ZMYM5: variants seen among roughly 807,000 people sequenced by gnomAD.
The protein encoded by ZMYM5 is zinc finger MYM-type protein 5.
ZMYM5 carries 41 observed loss-of-function variants against 61.8 expected under a neutral mutation model. The observed-to-expected ratio is 0.66, with a 90% CI of 0.52 to 0.86. The LOEUF (loss-of-function observed/expected upper bound fraction) is 0.86, where lower values mean the gene tolerates loss of function less well. Among genes scored for constraint, ZMYM5 ranks in the 40% least tolerant of loss-of-function variants. The pLI is 0.00. For synonymous variants in ZMYM5, 257 were observed against 276.4 expected (o/e 0.93, Z 0.70); for missense variants, 706 against 786.7 (o/e 0.90, Z 1.23).
At position 19,825,014 on chromosome 13, in the gene ZMYM5, A is replaced by C. The variant is rs772905078; in HGVS notation, c.1473T>G (p.Ser491=). The part of the protein sequence containing the change: ...LIQENVNLPP[S]STSTIADTFQ... ...ATGTATCAGCTATGGTTGACGTGGA[A>C]GAAGGAGGTAAATTCACATTCTCTT... is the stretch of plus-strand genomic sequence containing the variant. The change falls in exon 8 of 8, where the codon TCT becomes TCG. Residue 491 remains serine (S), a synonymous_variant. Coordinates refer to ENST00000337963, the MANE Select transcript of ZMYM5 (RefSeq NM_001142684.2). 1 of 1,367,448 alleles carries C rather than the reference A, an allele frequency of 7.3e-7. No individual in the cohort carries two copies. The highest frequency in any genetic ancestry group is 1.5e-5 in the African/African-American group (1 of 67,744). The allele number at this position is 1,367,448 out of a possible 1,614,324, so 84.7% of individuals were successfully genotyped here.
chr13:19,824,995 C>G lies in ZMYM5; in HGVS notation c.1492G>C (p.Asp498His). 7.3e-7 allele frequency: 1 copy of G among 1,367,362 alleles called. No individual in the cohort carries two copies. Among genetic ancestry groups the G allele is most frequent in the South Asian group, 1.1e-5 (1 of 87,958 alleles). The allele number at this position is 1,367,362 out of a possible 1,614,324, so 84.7% of individuals were successfully genotyped here. A position where few individuals can be genotyped will look rare whatever the true frequency, so the allele number is the denominator to read the frequency against. The change falls in exon 8 of 8, where the codon GAT becomes CAT. Residue 498 changes from aspartate to histidine, a missense_variant. By Grantham distance (81) the Asp-to-His change is moderately conservative (BLOSUM62 -1). Coordinates refer to ENST00000337963, the MANE Select transcript of ZMYM5 (RefSeq NM_001142684.2). ...LPPSSTSTIA[D>H]TFQEQLEEKN... Reference sequence around the variant, plus strand: ...TCTTCCAGTTGCTCTTGAAATGTATCAGCTATGGTTGACGTGGAAGAAGGA... The same window carrying G: ...TCTTCCAGTTGCTCTTGAAATGTATGAGCTATGGTTGACGTGGAAGAAGGA...
chr13:19,847,994 CA>C (rs1953145742), intron 4 of ZMYM5, among the ~76,000 whole-genome samples: 1 of 146,308 alleles, frequency 6.8e-6, no homozygotes, highest in Admixed American at 6.9e-5. Context: ...TTTTTTGAAA[CA>C]AAAAAATTTC....
Position 19,839,087 on chromosome 13 carries a change from G to A in ZMYM5, c.587-102C>T, listed in dbSNP as rs1036580175. On this transcript the variant is annotated intron_variant, in intron 4 of 7. Coordinates refer to ENST00000337963, the MANE Select transcript of ZMYM5 (RefSeq NM_001142684.2). ...AGAGTTTAAGAGACAAGTGGGGCAG[G>A]CGTATAAACATGTGGTTAAGGCCAA... 6 of 1,420,516 alleles carry A rather than the reference G, an allele frequency of 4.2e-6. No homozygotes were observed. The Admixed American group carries it at 8.9e-5, about 21-fold the overall frequency. The allele number at this position is 1,420,516 out of a possible 1,614,324, so 88.0% of individuals were successfully genotyped here.
intron 4 of ZMYM5, among the ~76,000 whole-genome samples, chr13:19,849,529 T>G (rs1038157597): frequency 6.6e-6 from 1 of 152,184 alleles, no homozygotes; most frequent in African/African-American, 2.4e-5. Flanking sequence ...AAACCAAAGA[T>G]TGAAAGCAAA....
At chr13:19,826,648 G>A (rs573948363) in intron 7 of ZMYM5, among the ~76,000 whole-genome samples, 3 of 151,774 alleles carry the variant, frequency 2.0e-5, no homozygotes, top group Non-Finnish European at 1.5e-5. Flanking sequence ...CCAGCTACTC[G>A]GGAGGCTGAG....
At chr13:19,859,424 A>G (rs1195644197) in intron 2 of ZMYM5, among the ~76,000 whole-genome samples, 1 of 152,046 alleles carries the variant, frequency 6.6e-6, no homozygotes, top group Non-Finnish European at 1.5e-5. Context: ...TGTTTTTGAG[A>G]CGGAGTCTCG....
intron 2 of ZMYM5, among the ~76,000 whole-genome samples, chr13:19,859,097 AT>A (rs1303186023): frequency 6.6e-6 from 1 of 151,972 alleles, no homozygotes; most frequent in Non-Finnish European, 1.5e-5. Flanking sequence ...ACGCCACTGC[AT>A]TCCAGCCTGG....
rs778542771 is a variant in ZMYM5 at position 19,838,811 on chromosome 13, C to T, written c.761G>A (p.Gly254Glu). ...TCCTTTTCGTTGATAAGCTGTCTGTCCCTTCTGTAAAGGCTTTTTGCAATT... is the reference window on the plus strand; with the variant it reads ...TCCTTTTCGTTGATAAGCTGTCTGTTCCTTCTGTAAAGGCTTTTTGCAATT... ...CANCKKPLQK[G>E]QTAYQRKGSA... Residue 254 changes from glycine (G) to glutamate (E), a missense_variant, in exon 5 of 8, where the codon GGA becomes GAA. By Grantham distance (98) the Gly-to-Glu change is moderately conservative (BLOSUM62 -2). Transcript: ENST00000337963. 3.3e-5 allele frequency: 54 copies of T among 1,614,014 alleles called. No individual in the cohort carries two copies. In the Admixed American group the frequency reaches 8.5e-4, roughly 25 times the overall value.
chr13:19,847,919 C>T (rs1214922640), intron 4 of ZMYM5, among the ~76,000 whole-genome samples: 1 of 148,484 alleles, frequency 6.7e-6, no homozygotes, highest in East Asian at 2.0e-4. Context: ...TCCCAAAGTG[C>T]TGGGATTACA....
At chr13:19,848,991 C>A (rs976817873) in intron 4 of ZMYM5, among the ~76,000 whole-genome samples, 1 of 151,714 alleles carries the variant, frequency 6.6e-6, no homozygotes, top group Non-Finnish European at 1.5e-5. Flanking sequence ...AGAATAAGTA[C>A]CCTATGGAAA....
chr13:19,833,954 A>T (rs998820712), intron 7 of ZMYM5, among the ~76,000 whole-genome samples: 4 of 152,206 alleles, frequency 2.6e-5, no homozygotes, highest in Non-Finnish European at 5.9e-5. Flanking sequence ...AGCCTGGGCA[A>T]CATATTGAGA....
At chr13:19,843,919 G>C (rs948960401) in intron 4 of ZMYM5, among the ~76,000 whole-genome samples, 1 of 151,760 alleles carries the variant, frequency 6.6e-6, no homozygotes, top group Non-Finnish European at 1.5e-5. Flanking sequence ...TGGATCACAA[G>C]GTCAGGGGAT....
In ZMYM5 at chr13:19,825,270, T is replaced by C. The variant is rs753906104; in HGVS notation, c.1252-35A>G. 1.4e-4 allele frequency: 164 copies of C among 1,201,980 alleles called. 3 individuals carry two copies. The South Asian group carries it at 2.4e-3, about 17-fold the overall frequency. The allele number at this position is 1,201,980 out of a possible 1,614,324, so 74.5% of individuals were successfully genotyped here. A position where few individuals can be genotyped will look rare whatever the true frequency, so the allele number is the denominator to read the frequency against. Reference sequence around the variant, plus strand: ...AAGAGGATTATAATTTTATTTTAGGTTAAACTTTTAAAAATTAATGTATAT... The same window carrying C: ...AAGAGGATTATAATTTTATTTTAGGCTAAACTTTTAAAAATTAATGTATAT... On this transcript the variant is annotated intron_variant, in intron 7 of 7. Coordinates refer to ENST00000337963, the MANE Select transcript of ZMYM5 (RefSeq NM_001142684.2).
chr13:19,863,339 C>G (rs1344378852), intron 1 of ZMYM5, 111 bp downstream of exon 1: 2 of 152,142 alleles, frequency 1.3e-5, no homozygotes, highest in South Asian at 4.1e-4. Context: ...CCGAGCTGCC[C>G]TCGAGGCCCC....
intron 7 of ZMYM5, among the ~76,000 whole-genome samples, chr13:19,830,610 T>A (rs746082997): frequency 7.9e-5 from 12 of 151,846 alleles, no homozygotes; most frequent in Non-Finnish European, 1.3e-4. Flanking sequence ...CTTGGCTCAC[T>A]GCAACCTCCG....
chr13:19,837,862 A>G lies in ZMYM5; in HGVS notation c.873-41T>C, dbSNP rs200518561. 1,592 of 1,552,654 alleles carry G rather than the reference A, an allele frequency of 1.0e-3. 3 individuals are homozygous for G. The highest frequency in any genetic ancestry group is 1.2e-3 in the Non-Finnish European group (1,365 of 1,160,686). On this transcript the variant is annotated intron_variant, in intron 5 of 7. Coordinates refer to ENST00000337963, the MANE Select transcript of ZMYM5 (RefSeq NM_001142684.2). Reference sequence around the variant, plus strand: ...TAGACACATAATTTAAGAACACTGAATTTTAATACAAGTCAAATATATTAA... The same window carrying G: ...TAGACACATAATTTAAGAACACTGAGTTTTAATACAAGTCAAATATATTAA...
chr13:19,847,406 A>G (rs182636576), intron 4 of ZMYM5, among the ~76,000 whole-genome samples: 2 of 152,300 alleles, frequency 1.3e-5, no homozygotes, highest in East Asian at 3.9e-4. Flanking sequence ...ATGTGAGGCC[A>G]GATTTTCTTC....
chr13:19,853,746 TA>T (rs1953401576), intron 2 of ZMYM5, among the ~76,000 whole-genome samples: 1 of 151,742 alleles, frequency 6.6e-6, no homozygotes, highest in South Asian at 2.1e-4. Flanking sequence ...GCCTGGCTAC[TA>T]TTTTTTGTAT....
intron 4 of ZMYM5, among the ~76,000 whole-genome samples, chr13:19,846,940 A>C (rs370393460): frequency 1.3e-5 from 2 of 152,154 alleles, no homozygotes; most frequent in East Asian, 3.9e-4. Context: ...AAAAAATTAA[A>C]AATAAACAGT....
Sources: gnomAD v4.1 joint callset for allele counts (sites outside exome capture counted in the v4.1 genomes callset) on GRCh38, gnomAD v4.1.1 for gene constraint, MANE v1.5 for transcripts, NCBI Gene and HGNC (gene_info 2026-07-23, HGNC 2026-07-21) for gene names.